FGD6: variants seen among roughly 807,000 people sequenced by gnomAD.
FGD6 encodes FYVE, RhoGEF and PH domain-containing protein 6.
A neutral mutation model predicts 149.4 loss-of-function variants in FGD6; 90 were observed. The observed-to-expected ratio is 0.60, with a 90% confidence interval of 0.51 to 0.72. The LOEUF is 0.72. Ranked by LOEUF, FGD6 falls within the 30% of genes least tolerant of loss-of-function variation. The pLI is 0.00. For synonymous variants in FGD6, 527 were observed against 584.0 expected (o/e 0.90, Z 1.41); for missense variants, 1,437 against 1,684.8 (o/e 0.85, Z 2.57).
intron 3 of FGD6, among the ~76,000 whole-genome samples, chr12:95,162,403 TG>T (rs770671249): frequency 1.1e-4 from 16 of 152,114 alleles, no homozygotes; most frequent in Non-Finnish European, 1.2e-4. Flanking sequence ...GGTGCATACC[TG>T]TAGTCCCAGC....
chr12:95,127,029 A>C (rs1231504654), intron 8 of FGD6, among the ~76,000 whole-genome samples: 1 of 152,204 alleles, frequency 6.6e-6, no homozygotes, highest in African/African-American at 2.4e-5. Context: ...TCCTAATTTA[A>C]CATGGTTGGA....
chr12:95,152,763 C>T, intron 5 of FGD6, 48 bp downstream of exon 5: 1 of 1,567,498 alleles, frequency 6.4e-7, no homozygotes, highest in South Asian at 1.1e-5. Flanking sequence ...AGGGAAAGTA[C>T]AAAAGGGAAT....
intron 14 of FGD6, among the ~76,000 whole-genome samples, chr12:95,101,760 G>A (rs993068773): frequency 7.4e-6 from 1 of 135,964 alleles, no homozygotes. Flanking sequence ...TCGGCTCACT[G>A]CAACCTCCAC....
At chr12:95,201,241 G>A (rs763943746) in intron 2 of FGD6, among the ~76,000 whole-genome samples, 6 of 151,978 alleles carry the variant, frequency 3.9e-5, no homozygotes, top group Non-Finnish European at 8.8e-5. Flanking sequence ...TGAACCACCT[G>A]GAAGATCAGG....
rs371047391 is a variant in FGD6 at position 95,085,446 on chromosome 12, A to AC, written c.4107+333dup. 19 of 268,382 alleles carry AC rather than the reference A, an allele frequency of 7.1e-5. No individual in the cohort carries two copies. In the East Asian group the frequency reaches 9.2e-4, roughly 13 times the overall value. 16.6% of individuals were successfully genotyped at this position (268,382 alleles called of 1,614,324 possible). ...TCGAACTCCTGACCTCAGGTGATCC[A>AC]CCCCCACTCAGCCTCCCAAAGTGCT... On this transcript the variant is annotated intron_variant, in intron 19 of 20. Transcript: ENST00000343958.
chr12:95,209,546 G>T lies in FGD6; in HGVS notation c.1738C>A (p.Pro580Thr), dbSNP rs1436495247. ...PHPILPFSGN[P>T]EFLKSVTVSS... ...ACGGTGACAGACTTTAAGAATTCTG[G>T]GTTCCCTGAAAAGGGTAAAATAGGA... The change falls in exon 2 of 21, where the codon CCA becomes ACA. Residue 580 changes from proline to threonine, a missense_variant. Around this residue, in one of 2 missense-constraint regions of FGD6, gnomAD observed 1,055 missense variants for 1,146.0 expected, o/e 0.92. Transcript: ENST00000343958. 1.2e-6 allele frequency: 2 copies of T among 1,613,926 alleles called. No individual in the cohort carries two copies. The highest frequency in any genetic ancestry group is 3.3e-5 in the Admixed American group (2 of 59,968).
At position 95,092,748 on chromosome 12, in the gene FGD6, C is replaced by T. The variant is rs776303559; in HGVS notation, c.3698G>A (p.Ser1233Asn). ...TRATMCMICTSEFTLTWRRHH... is the reference protein window; with the variant it reads ...TRATMCMICTNEFTLTWRRHH... ...TCGTCTCCAGGTGAGAGTGAATTCGCTTGTGCAGATCATACACATTGTGGC... is the reference window on the plus strand; with the variant it reads ...TCGTCTCCAGGTGAGAGTGAATTCGTTTGTGCAGATCATACACATTGTGGC... The change falls in exon 16 of 21, where the codon AGC (serine) becomes AAC (asparagine). Residue 1233 changes from serine (S) to asparagine (N), a missense_variant. Ser to Asn is a conservative substitution (Grantham distance 46). Transcript: ENST00000343958. 1.2e-6 allele frequency: 2 copies of T among 1,614,028 alleles called. No individual in the cohort carries two copies. Among genetic ancestry groups the T allele is most frequent in the African/African-American group, 2.7e-5 (2 of 74,920 alleles).
At chr12:95,157,545 G>A (rs1473914821) in intron 3 of FGD6, among the ~76,000 whole-genome samples, 4 of 106,926 alleles carry the variant, frequency 3.7e-5, no homozygotes, top group Non-Finnish European at 5.1e-5. Flanking sequence ...CAGCCTAGGC[G>A]ACAAGAGCAA....
intron 2 of FGD6, among the ~76,000 whole-genome samples, chr12:95,191,666 C>T (rs1881591611): frequency 6.6e-6 from 1 of 152,164 alleles, no homozygotes; most frequent in Non-Finnish European, 1.5e-5. Context: ...AGACCAAACT[C>T]CATGGATGCT....
intron 1 of FGD6, among the ~76,000 whole-genome samples, chr12:95,211,954 G>GA (rs2056730208): frequency 6.6e-6 from 1 of 152,120 alleles, no homozygotes; most frequent in Non-Finnish European, 1.5e-5. Context: ...GTTAAATGTA[G>GA]GATGCAGCTC....
chr12:95,203,922 A>C (rs1036403189), intron 2 of FGD6, among the ~76,000 whole-genome samples: 3 of 152,204 alleles, frequency 2.0e-5, no homozygotes, highest in Admixed American at 2.0e-4. Flanking sequence ...GGTTACAGAC[A>C]AAGGCTCAAA....
rs1393805285 is a variant in FGD6, at chr12:95,076,847, CTG to C, written c.*4671_*4672del. 7.9e-5 allele frequency: 12 copies of C among 151,842 alleles called. No homozygotes were observed. Among genetic ancestry groups the C allele is most frequent in the Admixed American group, 3.3e-4 (5 of 15,270 alleles). 9.4% of individuals were successfully genotyped at this position (151,842 alleles called of 1,614,324 possible). ...GTATATATGGACAAAAAGATACAAACTGTTATCATTTTAAGTACAAAGTATTT... is the reference window on the plus strand; with the variant it reads ...GTATATATGGACAAAAAGATACAAACTTATCATTTTAAGTACAAAGTATTT... On this transcript the variant is annotated 3_prime_UTR_variant, in exon 21 of 21. Coordinates refer to ENST00000343958, the MANE Select transcript of FGD6 (RefSeq NM_018351.4).
At chr12:95,145,691 T>C (rs930635657) in intron 5 of FGD6, among the ~76,000 whole-genome samples, 2 of 152,106 alleles carry the variant, frequency 1.3e-5, no homozygotes, top group Non-Finnish European at 2.9e-5. Context: ...TTGTTTTTTG[T>C]TTTTGAGATG....
At chr12:95,135,886 C>T (rs1879651160) in intron 7 of FGD6, among the ~76,000 whole-genome samples, 1 of 152,162 alleles carries the variant, frequency 6.6e-6, no homozygotes, top group African/African-American at 2.4e-5. Flanking sequence ...ACACAACTCA[C>T]TGGACTCTTA....
At chr12:95,157,141 A>C (rs1880495601) in intron 3 of FGD6, among the ~76,000 whole-genome samples, 1 of 152,172 alleles carries the variant, frequency 6.6e-6, no homozygotes, top group Admixed American at 6.5e-5. Context: ...TATGATATTA[A>C]AGTTCTCTTC....
chr12:95,137,685 A>C lies in FGD6; in HGVS notation c.2838-7T>G. Reference sequence around the variant, plus strand: ...AATTCTTTGTTGTTCAGTCCTATGGATAGAGAAGAGATACACAAAAAAATA... The same window carrying C: ...AATTCTTTGTTGTTCAGTCCTATGGCTAGAGAAGAGATACACAAAAAAATA... On this transcript the variant is annotated splice_region_variant and splice_polypyrimidine_tract_variant and intron_variant, in intron 6 of 20. Coordinates refer to ENST00000343958, the MANE Select transcript of FGD6 (RefSeq NM_018351.4). The C allele has an allele frequency of 6.4e-7, 1 of 1,556,230 alleles. No individual in the cohort carries two copies. The highest frequency in any genetic ancestry group is 1.2e-5 in the South Asian group (1 of 81,248).
intron 9 of FGD6, among the ~76,000 whole-genome samples, chr12:95,110,290 A>G (rs1025155075): frequency 6.6e-5 from 10 of 151,010 alleles, no homozygotes; most frequent in African/African-American, 1.5e-4. Context: ...TTCTTTCCAC[A>G]TGTATCATCA....
At chr12:95,090,931 C>T (rs1047211898) in intron 17 of FGD6, among the ~76,000 whole-genome samples, 22 of 152,158 alleles carry the variant, frequency 1.4e-4, no homozygotes, top group African/African-American at 3.6e-4. Flanking sequence ...GACCGCCCCG[C>T]GTCTCTACTA....
At chr12:95,174,975 A>AG (rs1180830368) in intron 2 of FGD6, among the ~76,000 whole-genome samples, 3 of 148,780 alleles carry the variant, frequency 2.0e-5, no homozygotes, top group Non-Finnish European at 4.5e-5. Context: ...GTCTGAAGAG[A>AG]GGGGTGAAAG....
Sources: gnomAD v4.1 joint callset for allele counts (sites outside exome capture counted in the v4.1 genomes callset) on GRCh38, gnomAD v4.1.1 for gene constraint, gnomAD v4.1.1 regional missense constraint, MANE v1.5 for transcripts, NCBI Gene and HGNC (gene_info 2026-07-23, HGNC 2026-07-21) for gene names.